Variants in NDUFA11 observed in about 807,000 individuals in gnomAD.
The protein encoded by NDUFA11 is NADH:ubiquinone oxidoreductase subunit A11.
In NDUFA11, 14 loss-of-function variants were observed where a neutral mutation model predicts 11.3. The observed-to-expected ratio is 1.24, with a 90% CI of 0.82 to 1.94. The LOEUF (loss-of-function observed/expected upper bound fraction) is 1.94. Ranked by LOEUF, NDUFA11 falls within the 30% of genes most tolerant of loss-of-function variation. The pLI is 0.00. For missense variants in NDUFA11, 204 were observed against 200.3 expected, an observed-to-expected ratio of 1.02 and a Z score of -0.11; for synonymous variants, 87 against 85.6, an observed-to-expected ratio of 1.02 and a Z score of -0.09.
chr19:5,899,451 CTTTTTTTTTTTT>C (rs71172780), intron 1 of NDUFA11, among the ~76,000 whole-genome samples: 1 of 68,836 alleles, frequency 1.5e-5, no homozygotes, highest in East Asian at 4.6e-4. Context: ...CGCCCGGACT[CTTTTTTTTTTTT>C]TTTTTTTTTT....
downstream of NDUFA11, chr19:5,892,721 C>T (rs1435401513): frequency 2.1e-5 from 15 of 708,338 alleles, no homozygotes; most frequent in African/African-American, 5.4e-5. Flanking sequence ...TGGGCGCTGC[C>T]CCCTGCCGGC....
downstream of NDUFA11, chr19:5,894,564 C>G: frequency 7.6e-7 from 1 of 1,319,420 alleles, no homozygotes; most frequent in Non-Finnish European, 1.0e-6. Flanking sequence ...CGGCAGGCGG[C>G]AGGCAGGCGC....
intron 3 of NDUFA11, chr19:5,895,191 T>C (rs781482937): frequency 8.9e-6 from 3 of 335,300 alleles, no homozygotes; most frequent in Middle Eastern, 9.2e-4. Flanking sequence ...CATCGGTGTG[T>C]CTCAGTCTCT....
chr19:5,900,865 C>G (rs1368273694), intron 1 of NDUFA11, among the ~76,000 whole-genome samples: 5 of 148,850 alleles, frequency 3.4e-5, no homozygotes, highest in Non-Finnish European at 7.4e-5. Flanking sequence ...AAGCCAAGAT[C>G]GCACCACTGC....
At chr19:5,894,618 C>T, downstream of NDUFA11, 2 of 1,535,450 alleles carry the variant, frequency 1.3e-6, no homozygotes, top group Non-Finnish European at 1.7e-6. Flanking sequence ...CACTCCCTCC[C>T]AGATCCGCCC....
downstream of NDUFA11, chr19:5,892,565 G>T: frequency 4.9e-6 from 1 of 204,098 alleles, no homozygotes; most frequent in South Asian, 1.5e-4. Flanking sequence ...GCGGTGGGCA[G>T]GATGCATGGG....
Position 5,896,190 on chromosome 19 carries a change from T to C in NDUFA11, c.313+263A>G, listed in dbSNP as rs2057606760. The C allele has an allele frequency of 1.7e-6, 1 of 583,408 alleles. No homozygotes were observed. The highest frequency in any genetic ancestry group is 2.0e-5 in the African/African-American group (1 of 49,096). 36.1% of individuals were successfully genotyped at this position (583,408 alleles called of 1,614,324 possible). On this transcript the variant is annotated intron_variant, in intron 3 of 3. Coordinates refer to ENST00000308961, the MANE Select transcript of NDUFA11 (RefSeq NM_175614.5). This position sits in a 1 kb window ranked among gnomAD's most constrained non-coding sequence, Gnocchi z 5.8. ...CCCTGGGGCAGGACTGTACCTGGCA[T>C]GTGGGAGGAGCAGTGAGGAGGCCCG...
At position 5,894,849 on chromosome 19, in the gene NDUFA11, T is replaced by C. The variant is rs1246744410; in HGVS notation, c.319A>G (p.Asn107Asp). ...GGLTLGARTH[N>D]YGIGAAACVY... ...CAGGCGGCGGCGCCAATCCCGTAGT[T>C]GTGCGCTGTGGGAGTGGGGAGGTGA... The change falls in exon 4 of 4, where the codon AAC becomes GAC. Residue 107 changes from asparagine (N) to aspartate (D), a missense_variant. Asn to Asp is a conservative substitution (Grantham distance 23, BLOSUM62 1). Coordinates refer to ENST00000308961, the MANE Select transcript of NDUFA11 (RefSeq NM_175614.5). 6.2e-7 allele frequency: 1 copy of C among 1,604,832 alleles called. No individual in the cohort carries two copies. Among genetic ancestry groups the C allele is most frequent in the East Asian group, 2.3e-5 (1 of 44,316 alleles).
rs770675936 is a variant in NDUFA11 at position 5,894,682 on chromosome 19, A to C, written c.*60T>G. The C allele has an allele frequency of 6.3e-7, 1 of 1,583,524 alleles. No individual in the cohort carries two copies. The stretch of plus-strand genomic sequence containing the variant: ...GCCCTCCGGACACTGACACACACAC[A>C]GACACAGAATTTATTTCTGGACGCA... On this transcript the variant is annotated 3_prime_UTR_variant, in exon 4 of 4. Transcript: ENST00000308961.
At chr19:5,892,914 G>A (rs553972821), downstream of NDUFA11, 1 of 1,438,626 alleles carries the variant, frequency 7.0e-7, no homozygotes, top group African/African-American at 1.4e-5. Context: ...AACAAGGAAA[G>A]AATCAAGTTC....
intron 1 of NDUFA11, among the ~76,000 whole-genome samples, chr19:5,897,279 C>G (rs2057616380): frequency 6.6e-6 from 1 of 152,222 alleles, no homozygotes; most frequent in African/African-American, 2.4e-5. Context: ...TGCTGGGCGC[C>G]CATCAGCCAT....
chr19:5,898,028 A>G (rs1253206508), intron 1 of NDUFA11, among the ~76,000 whole-genome samples: 1 of 152,162 alleles, frequency 6.6e-6, no homozygotes, highest in African/African-American at 2.4e-5. Context: ...GGGCCAGCCC[A>G]TCCCAGAGAA....
At chr19:5,892,693 C>T (rs1599689787), downstream of NDUFA11, 5 of 514,764 alleles carry the variant, frequency 9.7e-6, no homozygotes, top group East Asian at 1.4e-4. Flanking sequence ...CCACACTGCC[C>T]AGCAGGCCGT....
intron 1 of NDUFA11, among the ~76,000 whole-genome samples, chr19:5,903,064 C>T (rs1485271219): frequency 6.6e-6 from 1 of 151,800 alleles, no homozygotes; most frequent in African/African-American, 2.4e-5. Flanking sequence ...CCTTCATTCC[C>T]CTGCAAGGCT....
Position 5,896,749 on chromosome 19 carries a change from T to G in NDUFA11, c.190+156A>C, listed in dbSNP as rs1162325501. 1 of 1,193,996 alleles carries G rather than the reference T, an allele frequency of 8.4e-7. No homozygotes were observed. The highest frequency in any genetic ancestry group is 1.5e-5 in the African/African-American group (1 of 66,752). 74.0% of individuals were successfully genotyped at this position (1,193,996 alleles called of 1,614,324 possible). On this transcript the variant is annotated intron_variant, in intron 2 of 3. Coordinates refer to ENST00000308961, the MANE Select transcript of NDUFA11 (RefSeq NM_175614.5). The surrounding 1 kb of genome is among the most constrained non-coding windows in gnomAD (Gnocchi z 5.8). Reference sequence around the variant, plus strand: ...TTCTCCTGGGCCTCCCCACCCTACATGTATTCCTGATAAAGGAACACCCCA... The same window carrying G: ...TTCTCCTGGGCCTCCCCACCCTACAGGTATTCCTGATAAAGGAACACCCCA...
chr19:5,901,528 G>C, intron 1 of NDUFA11: 2 of 1,204,758 alleles, frequency 1.7e-6, no homozygotes, highest in Non-Finnish European at 2.2e-6. Context: ...TGATGATTAG[G>C]TCTGCCCTAA....
chr19:5,901,922 C>G (rs967027482), intron 1 of NDUFA11, among the ~76,000 whole-genome samples: 1 of 149,842 alleles, frequency 6.7e-6, no homozygotes, highest in African/African-American at 2.5e-5. Flanking sequence ...CCACCTGCCT[C>G]GGCCTCCCAA....
intron 1 of NDUFA11, 124 bp downstream of exon 1, chr19:5,903,488 C>A: frequency 1.1e-6 from 1 of 925,844 alleles, no homozygotes. Flanking sequence ...CCCAAGACAC[C>A]CCGATGACAA....
At chr19:5,899,616 A>AATT (rs1262651129) in intron 1 of NDUFA11, among the ~76,000 whole-genome samples, 3 of 93,610 alleles carry the variant, frequency 3.2e-5, no homozygotes, top group African/African-American at 8.3e-5. Flanking sequence ...ATGCCCAGCT[A>AATT]ATTATTATTA....
Sources: gnomAD v4.1 joint callset for allele counts (sites outside exome capture counted in the v4.1 genomes callset) on GRCh38, gnomAD v4.1.1 for gene constraint, Gnocchi (gnomAD v3.1) non-coding constraint, MANE v1.5 for transcripts, NCBI Gene and HGNC (gene_info 2026-07-23, HGNC 2026-07-21) for gene names.